Variants in RANBP2 observed in about 807,000 individuals in gnomAD.
RANBP2 encodes the protein RAN binding protein 2.
In RANBP2, 57 loss-of-function variants were observed where a neutral mutation model predicts 303.6. The observed-to-expected ratio is 0.19, with a 90% CI of 0.15 to 0.23. The LOEUF (loss-of-function observed/expected upper bound fraction) is 0.23. Among genes scored for constraint, RANBP2 ranks in the 10% least tolerant of loss-of-function variants. The pLI is 1.00. For missense variants in RANBP2, 3,138 were observed against 3,780.8 expected, an observed-to-expected ratio of 0.83 and a Z score of 4.46; for synonymous variants, 1,167 against 1,301.5, an observed-to-expected ratio of 0.90 and a Z score of 2.23.
At chr2:108,786,435 G>A (rs1444012173), downstream of RANBP2, among the ~76,000 whole-genome samples, 3 of 152,018 alleles carry the variant, frequency 2.0e-5, no homozygotes, top group Non-Finnish European at 4.4e-5. Flanking sequence ...AGTTAGCAAA[G>A]GTCACTTCTG....
the RANBP2 span, among the ~76,000 whole-genome samples, chr2:109,392,437 TA>T: frequency 3.3e-5 from 5 of 152,230 alleles, no homozygotes; most frequent in Non-Finnish European, 7.4e-5. Flanking sequence ...GTGGTGGATA[TA>T]AGGGTCTGAT....
the RANBP2 span, among the ~76,000 whole-genome samples, chr2:109,501,149 C>T: frequency 1.8e-4 from 28 of 151,966 alleles, no homozygotes; most frequent in South Asian, 4.2e-3. Context: ...GACCCTCCCC[C>T]GCCCCTGCCC....
the RANBP2 span, among the ~76,000 whole-genome samples, chr2:109,518,173 G>A: frequency 1.3e-5 from 2 of 152,232 alleles, no homozygotes; most frequent in African/African-American, 4.8e-5. Context: ...GTGGGCAATT[G>A]TTTCTTTTCT....
the RANBP2 span, among the ~76,000 whole-genome samples, chr2:109,342,433 C>T: frequency 3.9e-5 from 6 of 152,158 alleles, no homozygotes; most frequent in South Asian, 2.1e-4. Flanking sequence ...GCAAAACAGG[C>T]GAGAATCTGT....
the RANBP2 span, among the ~76,000 whole-genome samples, chr2:109,232,666 G>C: frequency 6.6e-6 from 1 of 152,150 alleles, no homozygotes; most frequent in African/African-American, 2.4e-5. Flanking sequence ...CAATGTTTTA[G>C]AGAAATGTGG....
the RANBP2 span, among the ~76,000 whole-genome samples, chr2:109,001,414 A>G: frequency 6.6e-6 from 1 of 152,346 alleles, no homozygotes; most frequent in East Asian, 1.9e-4. Context: ...CCTGGCTCTC[A>G]GATGGGTGGC....
chr2:109,633,760 AG>A, the RANBP2 span, among the ~76,000 whole-genome samples: 1 of 152,202 alleles, frequency 6.6e-6, no homozygotes, highest in Non-Finnish European at 1.5e-5. Flanking sequence ...TGAATGATTT[AG>A]CGTTGAAATG....
chr2:109,336,983 C>T, the RANBP2 span, among the ~76,000 whole-genome samples: 1 of 152,162 alleles, frequency 6.6e-6, no homozygotes, highest in Non-Finnish European at 1.5e-5. Flanking sequence ...GTAAAGCAGA[C>T]AAATGCAATA....
chr2:109,690,723 C>T, the RANBP2 span, among the ~76,000 whole-genome samples: 1 of 151,876 alleles, frequency 6.6e-6, no homozygotes, highest in African/African-American at 2.4e-5. Context: ...TCAGTAAGCT[C>T]CTGAGAAACA....
At chr2:109,705,109 A>C in the RANBP2 span, among the ~76,000 whole-genome samples, 1 of 149,558 alleles carries the variant, frequency 6.7e-6, no homozygotes, top group Non-Finnish European at 1.5e-5. Context: ...AAATAAATAA[A>C]TAAATAAAAA....
the RANBP2 span, among the ~76,000 whole-genome samples, chr2:108,957,818 C>T: frequency 2.6e-5 from 4 of 152,224 alleles, no homozygotes; most frequent in Non-Finnish European, 1.5e-5. Context: ...ATTGATGCAG[C>T]TGTTGCCTAG....
rs1295690365 is a variant in RANBP2, at chr2:108,771,788, C to T, written c.7937C>T (p.Ala2646Val). The T allele has an allele frequency of 6.2e-7, 1 of 1,614,006 alleles. No individual in the cohort carries two copies. Among genetic ancestry groups the T allele is most frequent in the South Asian group, 1.1e-5 (1 of 91,078 alleles). ...CTAACTCCAACCGCTGAGCAGAAAG[C>T]CCTTGCAACCAAACTTAAACTTCCT... ...YELTPTAEQK[A>V]LATKLKLPPT... Residue 2646 changes from alanine (A) to valine (V), a missense_variant, in exon 21 of 29, where the codon GCC (alanine) becomes GTC (valine). Physicochemically the swap from Ala to Val is moderately conservative, Grantham distance 64 (BLOSUM62 0). Around this residue, in one of 20 missense-constraint regions of RANBP2, gnomAD observed 497 missense variants for 465.8 expected, o/e 1.07. Coordinates refer to ENST00000283195, the MANE Select transcript of RANBP2 (RefSeq NM_006267.5).
the RANBP2 span, among the ~76,000 whole-genome samples, chr2:109,390,548 T>G: frequency 6.6e-6 from 1 of 152,118 alleles, no homozygotes; most frequent in Non-Finnish European, 1.5e-5. Flanking sequence ...GAGGTTAAAC[T>G]CGAAGCAGGT....
chr2:109,433,605 C>T, the RANBP2 span, among the ~76,000 whole-genome samples: 3 of 152,188 alleles, frequency 2.0e-5, no homozygotes, highest in African/African-American at 4.8e-5. Flanking sequence ...AAATAAATAA[C>T]CTGTAGACCC....
the RANBP2 span, among the ~76,000 whole-genome samples, chr2:109,694,028 T>C: frequency 1.1e-4 from 16 of 152,324 alleles, no homozygotes; most frequent in East Asian, 3.1e-3. Context: ...TGTGTGTGCA[T>C]GTGTGTGTCT....
the RANBP2 span, among the ~76,000 whole-genome samples, chr2:109,460,024 C>T: frequency 8.5e-5 from 13 of 152,306 alleles, 1 homozygote; most frequent in South Asian, 2.7e-3. Flanking sequence ...ACTGAGTCTT[C>T]AAAAGGTCAT....
the RANBP2 span, among the ~76,000 whole-genome samples, chr2:109,708,483 C>T: frequency 6.6e-6 from 1 of 152,112 alleles, no homozygotes; most frequent in Middle Eastern, 3.4e-3. Context: ...CATGGCGAAA[C>T]CCCATCTCTA....
chr2:109,064,451 G>C, the RANBP2 span, among the ~76,000 whole-genome samples: 19 of 38,168 alleles, frequency 5.0e-4, no homozygotes, highest in Non-Finnish European at 7.4e-4. Flanking sequence ...GCAAGACTCT[G>C]TCTCAAAAAA....
chr2:109,099,556 A>G, the RANBP2 span, among the ~76,000 whole-genome samples: 1 of 152,018 alleles, frequency 6.6e-6, no homozygotes, highest in Non-Finnish European at 1.5e-5. Flanking sequence ...CCCAGAACTC[A>G]GTTTTTAAGG....
Sources: gnomAD v4.1 joint callset for allele counts (sites outside exome capture counted in the v4.1 genomes callset) on GRCh38, gnomAD v4.1.1 for gene constraint, gnomAD v4.1.1 regional missense constraint, MANE v1.5 for transcripts, NCBI Gene and HGNC (gene_info 2026-07-23, HGNC 2026-07-21) for gene names.